The following FYB2 variants were observed in gnomAD, a reference collection of about 807,000 sequenced individuals.
The protein encoded by FYB2 is FYN-binding protein 2.
Under a neutral mutation model 94.1 loss-of-function variants are expected in FYB2, and 103 were observed. The observed-to-expected ratio is 1.09, with a 90% confidence interval of 0.93 to 1.29. FYB2 has a LOEUF of 1.29. FYB2 is among the 50% of genes most tolerant of loss of function. The pLI is 0.00. For synonymous variants in FYB2, 293 were observed against 287.9 expected (o/e 1.02, Z -0.18); for missense variants, 896 against 841.5 (o/e 1.06, Z -0.80).
chr1:56,803,782 A>C (rs1261278477), intron 1 of FYB2, among the ~76,000 whole-genome samples: 1 of 152,162 alleles, frequency 6.6e-6, no homozygotes, highest in African/African-American at 2.4e-5. Flanking sequence ...CCTGCATCCC[A>C]TCACAGCCCA....
the FYB2 span, among the ~76,000 whole-genome samples, chr1:56,825,621 T>C: frequency 6.6e-6 from 1 of 152,036 alleles, no homozygotes; most frequent in Admixed American, 6.5e-5. Context: ...TGAGTACTCA[T>C]ACCCTCAAGT....
rs766060385 is a variant in FYB2 at position 56,792,461 on chromosome 1, T to C, written c.352A>G (p.Thr118Ala). ...GTGATTATCTCAACATTTGATTGAG[T>C]CACCTCTAACAGCAGAGAAGCCTTC... ...SQKASLLLEVTQSNVEIITKE... is the reference protein window; with the variant it reads ...SQKASLLLEVAQSNVEIITKE... Residue 118 changes from threonine to alanine, a missense_variant, in exon 2 of 20, where the codon ACT (threonine) becomes GCT (alanine). Physicochemically the swap from Thr to Ala is moderately conservative, Grantham distance 58 (BLOSUM62 0). Coordinates refer to ENST00000343433, the MANE Select transcript of FYB2 (RefSeq NM_001004303.5). 3 of 1,614,192 alleles carry C rather than the reference T, an allele frequency of 1.9e-6. No homozygotes were observed. Among genetic ancestry groups the C allele is most frequent in the Non-Finnish European group, 2.5e-6 (3 of 1,180,020 alleles).
chr1:56,744,163 G>A lies in FYB2; in HGVS notation c.1491C>T (p.Ser497=). The change falls in exon 10 of 20, where the codon TCC becomes TCT. Residue 497 remains serine (S), a synonymous_variant. Coordinates refer to ENST00000343433, the MANE Select transcript of FYB2 (RefSeq NM_001004303.5). ...GGAATGTTACTTACACCTCTTTCCT[G>A]GAGTACTCGACATCATCATATATCT... ...SEEIYDDVEY[S]RKEVPKLNYS... 6.2e-7 allele frequency: 1 copy of A among 1,612,284 alleles called. No individual in the cohort carries two copies. Among genetic ancestry groups the A allele is most frequent in the South Asian group, 1.1e-5 (1 of 91,022 alleles).
rs1644437580 is a variant in FYB2 at position 56,719,009 on chromosome 1, A to C, written c.*662T>G. 6.6e-6 allele frequency: 1 copy of C among 152,576 alleles called. No homozygotes were observed. Among genetic ancestry groups the C allele is most frequent in the Admixed American group, 6.6e-5 (1 of 15,256 alleles). 9.5% of individuals were successfully genotyped at this position (152,576 alleles called of 1,614,324 possible). On this transcript the variant is annotated 3_prime_UTR_variant, in exon 20 of 20. Transcript: ENST00000343433. Reference sequence around the variant, plus strand: ...AAAAGATGTTTTAAAGTAATACAGCATATATATTATTTTGTTAAATACATT... The same window carrying C: ...AAAAGATGTTTTAAAGTAATACAGCCTATATATTATTTTGTTAAATACATT...
chr1:56,769,251 G>C (rs1003089882), intron 4 of FYB2, among the ~76,000 whole-genome samples: 1 of 152,042 alleles, frequency 6.6e-6, no homozygotes, highest in Non-Finnish European at 1.5e-5. Flanking sequence ...TATTGCCCAG[G>C]CTGGTCTCGA....
At chr1:56,807,280 C>A (rs1646669086) in intron 1 of FYB2, among the ~76,000 whole-genome samples, 1 of 152,140 alleles carries the variant, frequency 6.6e-6, no homozygotes, top group Admixed American at 6.5e-5. Flanking sequence ...GCTTTTACTC[C>A]ACAGCTATGA....
At chr1:56,807,172 A>C (rs190345980) in intron 1 of FYB2, among the ~76,000 whole-genome samples, 308 of 152,338 alleles carry the variant, frequency 2.0e-3, no homozygotes, top group Admixed American at 4.6e-3. Flanking sequence ...CAGAACAGTC[A>C]CTCAGTGTCT....
upstream of FYB2, chr1:56,823,761 C>G (rs568562413): frequency 1.8e-4 from 27 of 152,236 alleles, 1 homozygote; most frequent in Admixed American, 1.6e-3. Context: ...ATGTAGCAAC[C>G]CTTTTGGTTC....
chr1:56,802,737 A>G (rs1326616701), intron 1 of FYB2, among the ~76,000 whole-genome samples: 1 of 152,176 alleles, frequency 6.6e-6, no homozygotes, highest in African/African-American at 2.4e-5. Context: ...AGAGGAGGAA[A>G]TATTTTGGTG....
At chr1:56,783,752 A>G (rs1051709028) in intron 4 of FYB2, among the ~76,000 whole-genome samples, 3 of 152,192 alleles carry the variant, frequency 2.0e-5, no homozygotes, top group East Asian at 3.9e-4. Context: ...TATATTTTCA[A>G]TGTATGTAAA....
rs191645414 is a variant in FYB2, at chr1:56,772,794, T to C, written c.954-4856A>G. 2.7e-4 allele frequency among the ~76,000 whole-genome samples: 41 copies of C among 152,310 alleles called. No individual in the cohort carries two copies. In the East Asian group the frequency reaches 2.9e-3, roughly 11 times the overall value. On this transcript the variant is annotated intron_variant, in intron 4 of 19. Transcript: ENST00000343433. ...CTACTTTAAAGGCGTATTATGGATA[T>C]TGAATGAAATATTTGCCCTCTGCAC...
chr1:56,786,149 G>A (rs1346800931), intron 4 of FYB2, among the ~76,000 whole-genome samples: 3 of 152,136 alleles, frequency 2.0e-5, no homozygotes, highest in African/African-American at 4.8e-5. Context: ...CCCTCAACAT[G>A]TGAGCCACCC....
Position 56,788,885 on chromosome 1 carries a change from G to A in FYB2, c.919+88C>T, listed in dbSNP as rs267598663. On this transcript the variant is annotated intron_variant, in intron 3 of 19. Transcript: ENST00000343433. ...GATGGATGTCCAGCCTCATGGAAAA[G>A]CAGCAGCGGCATCGTCACCTGGGAG... 3.3e-6 allele frequency: 5 copies of A among 1,530,180 alleles called. No individual in the cohort carries two copies. In the South Asian group the frequency reaches 4.5e-5, roughly 14 times the overall value. 94.8% of individuals were successfully genotyped at this position (1,530,180 alleles called of 1,614,324 possible).
At chr1:56,799,655 C>T (rs1464454579) in intron 1 of FYB2, among the ~76,000 whole-genome samples, 2 of 152,088 alleles carry the variant, frequency 1.3e-5, no homozygotes, top group Non-Finnish European at 2.9e-5. Flanking sequence ...CAGTATTATA[C>T]CCTTTCAAAG....
chr1:56,748,380 G>A (rs1557605155), intron 9 of FYB2, among the ~76,000 whole-genome samples: 1 of 152,056 alleles, frequency 6.6e-6, no homozygotes, highest in Non-Finnish European at 1.5e-5. Context: ...ATGGTTTTAA[G>A]TTTTCCATTT....
intron 4 of FYB2, among the ~76,000 whole-genome samples, chr1:56,782,009 T>A (rs751479551): frequency 6.6e-6 from 1 of 152,206 alleles, no homozygotes; most frequent in Admixed American, 6.6e-5. Context: ...TTATAGTAGA[T>A]GTACATATTT....
intron 9 of FYB2, among the ~76,000 whole-genome samples, chr1:56,747,624 A>G (rs1009837230): frequency 1.3e-5 from 2 of 152,068 alleles, no homozygotes; most frequent in African/African-American, 4.8e-5. Flanking sequence ...TCCATGGTAT[A>G]TATGTGCCAC....
intron 5 of FYB2, 50 bp from the exon 6 acceptor site, chr1:56,758,800 C>T (rs768531668): frequency 7.3e-7 from 1 of 1,373,658 alleles, no homozygotes; most frequent in African/African-American, 1.5e-5. Context: ...CCACCCATTT[C>T]TTATAGCACC....
intron 6 of FYB2, 140 bp downstream of exon 6, chr1:56,758,576 G>T: frequency 4.8e-6 from 3 of 623,386 alleles, no homozygotes; most frequent in Admixed American, 3.8e-5. Context: ...ACTCTTAGAA[G>T]CTGGAGTCTG....
Sources: gnomAD v4.1 joint callset for allele counts (sites outside exome capture counted in the v4.1 genomes callset) on GRCh38, gnomAD v4.1.1 for gene constraint, MANE v1.5 for transcripts, NCBI Gene and HGNC (gene_info 2026-07-23, HGNC 2026-07-21) for gene names.